MDN1: variants seen among roughly 807,000 people sequenced by gnomAD.
The protein encoded by MDN1 is midasin AAA ATPase 1.
A neutral mutation model predicts 669.2 loss-of-function variants in MDN1; 266 were observed. The observed-to-expected ratio is 0.40, with a 90% CI of 0.36 to 0.44. The LOEUF (loss-of-function observed/expected upper bound fraction) is 0.44, where lower values mean the gene tolerates loss of function less well. MDN1 is among the 20% of genes least tolerant of loss of function. The pLI, the probability that MDN1 is intolerant of heterozygous loss-of-function variation, is 1.00. For missense variants in MDN1, 5,940 were observed against 6,754.0 expected, an observed-to-expected ratio of 0.88 and a Z score of 4.22; for synonymous variants, 2,385 against 2,457.1, an observed-to-expected ratio of 0.97 and a Z score of 0.87.
chr6:89,689,008 A>C (rs1401630041), intron 65 of MDN1, among the ~76,000 whole-genome samples, 200 bp from the exon 66 acceptor site: 2 of 152,118 alleles, frequency 1.3e-5, no homozygotes, highest in East Asian at 3.9e-4. Context: ...CTTTTCTACT[A>C]AAAATACAAA....
Position 89,743,253 on chromosome 6 carries a change from C to A in MDN1, c.4345G>T (p.Glu1449Ter). 6.2e-7 allele frequency: 1 copy of A among 1,614,144 alleles called. No homozygotes were observed. Among genetic ancestry groups the A allele is most frequent in the Non-Finnish European group, 8.5e-7 (1 of 1,179,998 alleles). The change falls in exon 31 of 102, where the codon GAG (glutamate) becomes TAG (stop). Residue 1449 changes from glutamate (E) to a stop codon, truncating the protein, a stop_gained. Coordinates refer to ENST00000369393, the MANE Select transcript of MDN1 (RefSeq NM_014611.3). LOFTEE classifies it high-confidence loss of function. ...KEEIDTSRLF[E>*]WHDGPLVQAM... ...TGAACCAGAGGCCCATCATGCCACT[C>A]AAAGAGTCTTGATGTGTCAATTTCT...
intron 35 of MDN1, 34 bp from the exon 36 acceptor site, chr6:89,729,173 G>C (rs778303828): frequency 3.9e-6 from 6 of 1,552,180 alleles, no homozygotes; most frequent in Admixed American, 1.8e-5. Context: ...ATGTATAAGC[G>C]GGACATCATC....
At position 89,732,645 on chromosome 6, in the gene MDN1, T is replaced by C. The variant is rs911162805; in HGVS notation, c.4854A>G (p.Glu1618=). The change falls in exon 34 of 102, where the codon GAA becomes GAG. Residue 1618 remains glutamate (E), a synonymous_variant. Coordinates refer to ENST00000369393, the MANE Select transcript of MDN1 (RefSeq NM_014611.3). ...TGATCTCTGGCCTTTTCAAAGCAGC[T>C]TCCTCCCCCATTTTGTTCATGAAGT... is the stretch of plus-strand genomic sequence containing the variant. ...WVNFMNKMGE[E]AALKRPEIIS... is the part of the protein sequence containing the mutation. The C allele has an allele frequency of 2.5e-6, 4 of 1,614,028 alleles. No individual in the cohort carries two copies. Among genetic ancestry groups the C allele is most frequent in the Non-Finnish European group, 3.4e-6 (4 of 1,180,016 alleles).
chr6:89,795,837 C>G (rs1285444378), intron 2 of MDN1, among the ~76,000 whole-genome samples: 3 of 152,056 alleles, frequency 2.0e-5, no homozygotes, highest in Admixed American at 6.6e-5. Flanking sequence ...TGCCTGTAAT[C>G]CCAGCTATTC....
Position 89,727,824 on chromosome 6 carries a change from G to A in MDN1, c.5472+9C>T, listed in dbSNP as rs761265694. On this transcript the variant is annotated intron_variant, in intron 37 of 101. Coordinates refer to ENST00000369393, the MANE Select transcript of MDN1 (RefSeq NM_014611.3). ...TCACCGTCTTGGGCATGACAAACAG[G>A]CCCCTCACCTCATCCAACACCACCC... 1.9e-6 allele frequency: 3 copies of A among 1,571,538 alleles called. No individual in the cohort carries two copies. The highest frequency in any genetic ancestry group is 3.0e-5 in the African/African-American group (2 of 67,512).
rs371265566 is a variant in MDN1 at position 89,745,572 on chromosome 6, T to G, written c.3959A>C (p.Gln1320Pro). The change falls in exon 28 of 102, where the codon CAA (glutamine) becomes CCA (proline). Residue 1320 changes from glutamine to proline, a missense_variant. Gln to Pro is a moderately conservative substitution (Grantham distance 76, BLOSUM62 -1). Coordinates refer to ENST00000369393, the MANE Select transcript of MDN1 (RefSeq NM_014611.3). The stretch of plus-strand genomic sequence containing the variant: ...CTTGAAATGTTTCTCAAGGACTTCT[T>G]GAATCACATCAATTTCCTCCTGCTT... ...VRKQEEIDVI[Q>P]EVLEKHFKKK... 1 of 1,614,050 alleles carries G rather than the reference T, an allele frequency of 6.2e-7. No individual in the cohort carries two copies. The highest frequency in any genetic ancestry group is 1.3e-5 in the African/African-American group (1 of 74,924).
At chr6:89,797,779 C>A in intron 2 of MDN1, 2 of 304,516 alleles carry the variant, frequency 6.6e-6, no homozygotes, top group South Asian at 2.9e-5. Context: ...AGGCCTACTG[C>A]CAATAAAGGG....
At chr6:89,660,693 CTTA>C (rs1199717998) in intron 88 of MDN1, among the ~76,000 whole-genome samples, 1 of 151,906 alleles carries the variant, frequency 6.6e-6, no homozygotes, top group Non-Finnish European at 1.5e-5. Context: ...AATGGCACCT[CTTA>C]TTTATTCCTT....
At chr6:89,745,741 AAATCT>A in intron 27 of MDN1, 115 bp from the exon 28 acceptor site, 1 of 1,014,240 alleles carries the variant, frequency 9.9e-7, no homozygotes, top group East Asian at 2.6e-5. Context: ...GGTGAGGTAG[AAATCT>A]GAAGAACTAG....
Position 89,650,749 on chromosome 6 carries a change from G to T in MDN1, c.16014C>A (p.Thr5338=). 1 of 1,613,824 alleles carries T rather than the reference G, an allele frequency of 6.2e-7. No homozygotes were observed. Among genetic ancestry groups the T allele is most frequent in the African/African-American group, 1.3e-5 (1 of 75,022 alleles). Residue 5338 remains threonine (T), a synonymous_variant, in exon 96 of 102, where the codon ACC becomes ACA. Transcript: ENST00000369393. ...CEELRLILEP[T]QAAKLKGDYR... is the part of the protein sequence containing the mutation. ...AGACTTACTTCAGCTTGGCTGCCTG[G>T]GTAGGCTCTAATATGAGACGAAGCT...
At chr6:89,720,854 G>A (rs1228026611) in intron 40 of MDN1, among the ~76,000 whole-genome samples, 1 of 152,138 alleles carries the variant, frequency 6.6e-6, no homozygotes, top group Admixed American at 6.5e-5. Context: ...CTGGGTGGCC[G>A]GGCACAGTGG....
At chr6:89,742,188 G>T (rs9344957) in intron 31 of MDN1, among the ~76,000 whole-genome samples, 1 of 151,962 alleles carries the variant, frequency 6.6e-6, no homozygotes, top group Non-Finnish European at 1.5e-5. Flanking sequence ...CAAGGTGGGC[G>T]GATCACCTGA....
At chr6:89,806,092 C>T (rs1767994754) in intron 1 of MDN1, among the ~76,000 whole-genome samples, 1 of 151,998 alleles carries the variant, frequency 6.6e-6, no homozygotes, top group South Asian at 2.1e-4. Context: ...TGTGTGCCAC[C>T]ACGCCCAGCT....
At chr6:89,664,359 T>A in intron 85 of MDN1, 128 bp downstream of exon 85, 1 of 1,143,854 alleles carries the variant, frequency 8.7e-7, no homozygotes, top group Non-Finnish European at 1.3e-6. Context: ...GGTTTTCATT[T>A]GCACTTAAGC....
intron 15 of MDN1, among the ~76,000 whole-genome samples, chr6:89,768,903 T>A (rs1237091148): frequency 3.9e-5 from 6 of 151,902 alleles, no homozygotes; most frequent in African/African-American, 1.5e-4. Flanking sequence ...TAAAAATAAA[T>A]CAGCTGCATG....
At chr6:89,670,578 C>A (rs1810681665) in intron 83 of MDN1, among the ~76,000 whole-genome samples, 1 of 152,068 alleles carries the variant, frequency 6.6e-6, no homozygotes, top group Admixed American at 6.6e-5. Context: ...TCCTACAACT[C>A]TAGTTCAAGA....
intron 95 of MDN1, among the ~76,000 whole-genome samples, 191 bp from the exon 96 acceptor site, chr6:89,651,038 A>G (rs9359858): frequency 0.84 from 127,936 of 152,106 alleles, 54,003 homozygotes; most frequent in East Asian, 1. Flanking sequence ...CTTCCAGCTG[A>G]GGGTGGTGGC....
intron 53 of MDN1, among the ~76,000 whole-genome samples, chr6:89,704,778 C>G (rs1476307911): frequency 6.6e-6 from 1 of 152,148 alleles, no homozygotes; most frequent in East Asian, 1.9e-4. Context: ...GATGGGGTTT[C>G]ACCGTGTTAG....
chr6:89,663,173 A>G (rs1368441359), intron 85 of MDN1, among the ~76,000 whole-genome samples: 1 of 152,244 alleles, frequency 6.6e-6, no homozygotes, highest in Admixed American at 6.5e-5. Flanking sequence ...AAGGAAGTCT[A>G]TAATGTGTGA....
Sources: gnomAD v4.1 joint callset for allele counts (sites outside exome capture counted in the v4.1 genomes callset) on GRCh38, gnomAD v4.1.1 for gene constraint, MANE v1.5 for transcripts, NCBI Gene and HGNC (gene_info 2026-07-23, HGNC 2026-07-21) for gene names.